Variants in PTPRT observed in about 807,000 individuals in gnomAD.
PTPRT encodes the protein receptor-type tyrosine-protein phosphatase T.
PTPRT carries 56 observed loss-of-function variants against 176.8 expected under a neutral mutation model. The ratio of observed to expected loss-of-function variants is 0.32; its 90% CI spans 0.26 to 0.40. PTPRT has a LOEUF of 0.40. Among genes scored for constraint, PTPRT ranks in the 10% least tolerant of loss-of-function variants. The pLI is 1.00. For missense variants in PTPRT, 1,540 were observed against 1,908.2 expected (o/e 0.81, Z 3.60); for synonymous variants, 783 against 739.0 (o/e 1.06, Z -0.96).
At chr20:43,084,404 AG>A (rs11476795) in intron 1 of PTPRT, among the ~76,000 whole-genome samples, 91,525 of 151,962 alleles carry the variant, frequency 0.6, 27,942 homozygotes, top group East Asian at 0.75. Flanking sequence ...AAGGCAAAGG[AG>A]AAGCAAGAAC....
chr20:42,441,823 T>C (rs887692518), intron 9 of PTPRT, among the ~76,000 whole-genome samples: 2 of 152,332 alleles, frequency 1.3e-5, no homozygotes, highest in Admixed American at 1.3e-4. Context: ...CTTTTTTCCT[T>C]GTTACCAGCC....
intron 1 of PTPRT, among the ~76,000 whole-genome samples, chr20:43,096,158 C>T (rs2146316736): frequency 6.7e-6 from 1 of 150,218 alleles, no homozygotes; most frequent in East Asian, 2.0e-4. Context: ...GTTCCCCCTT[C>T]TTCTACTCTA....
chr20:42,652,584 C>G (rs1356864010), intron 7 of PTPRT, among the ~76,000 whole-genome samples: 1 of 152,160 alleles, frequency 6.6e-6, no homozygotes, highest in Non-Finnish European at 1.5e-5. Flanking sequence ...CCTAGAAACT[C>G]CAATCTGTGC....
intron 9 of PTPRT, among the ~76,000 whole-genome samples, chr20:42,356,899 C>A (rs984385689): frequency 3.9e-5 from 6 of 152,146 alleles, no homozygotes; most frequent in African/African-American, 1.4e-4. Flanking sequence ...GAACTTGCAC[C>A]AGCTCTTCTG....
At chr20:42,969,081 G>C (rs1279036316) in intron 1 of PTPRT, 1 of 152,206 alleles carries the variant, frequency 6.6e-6, no homozygotes, top group Non-Finnish European at 1.5e-5. Context: ...ATTTCCGCTA[G>C]ATAGAAGAAG....
intron 27 of PTPRT, among the ~76,000 whole-genome samples, chr20:42,093,546 A>C (rs1268498984): frequency 6.6e-6 from 1 of 152,158 alleles, no homozygotes; most frequent in East Asian, 1.9e-4. Context: ...AGTGCAAAAA[A>C]AATAAGGCCC....
chr20:42,814,790 T>C (rs1364044715), intron 2 of PTPRT, among the ~76,000 whole-genome samples: 1 of 152,200 alleles, frequency 6.6e-6, no homozygotes, highest in East Asian at 1.9e-4. Flanking sequence ...TATTCACTTC[T>C]CAGAAGGAAG....
At chr20:42,569,345 G>A (rs1471581609) in intron 7 of PTPRT, among the ~76,000 whole-genome samples, 1 of 151,826 alleles carries the variant, frequency 6.6e-6, no homozygotes, top group African/African-American at 2.4e-5. Flanking sequence ...GGACAGTCCT[G>A]CCTTATTCTT....
At chr20:42,333,924 G>A (rs1372243476) in intron 11 of PTPRT, among the ~76,000 whole-genome samples, 12 of 151,938 alleles carry the variant, frequency 7.9e-5, no homozygotes, top group South Asian at 2.1e-4. Flanking sequence ...CAAGTGACCC[G>A]CCCACCTTGG....
chr20:42,777,098 G>T (rs1351048781), intron 4 of PTPRT, among the ~76,000 whole-genome samples: 2 of 152,046 alleles, frequency 1.3e-5, no homozygotes, highest in Non-Finnish European at 2.9e-5. Flanking sequence ...CATGGCTCCA[G>T]AACTTTCTTC....
At chr20:42,817,368 T>A (rs796073229) in intron 2 of PTPRT, among the ~76,000 whole-genome samples, 8 of 145,588 alleles carry the variant, frequency 5.5e-5, no homozygotes, top group African/African-American at 2.2e-4. Flanking sequence ...GTTTGGTTTT[T>A]TTTTTTTTTT....
At chr20:43,000,582 A>G (rs1384869947) in intron 1 of PTPRT, among the ~76,000 whole-genome samples, 1 of 152,226 alleles carries the variant, frequency 6.6e-6, no homozygotes, top group African/African-American at 2.4e-5. Context: ...TCATAAGTTC[A>G]CTGCAGAATG....
intron 7 of PTPRT, among the ~76,000 whole-genome samples, chr20:42,666,388 T>C (rs1224357689): frequency 6.6e-6 from 1 of 152,212 alleles, no homozygotes; most frequent in African/African-American, 2.4e-5. Flanking sequence ...AATTTTAAAG[T>C]CAGTTTTGCT....
intron 7 of PTPRT, among the ~76,000 whole-genome samples, chr20:42,559,800 T>C (rs1301812589): frequency 6.6e-6 from 1 of 152,252 alleles, no homozygotes; most frequent in Non-Finnish European, 1.5e-5. Context: ...GTCATTGCTT[T>C]GCACAGCAAT....
intron 1 of PTPRT, among the ~76,000 whole-genome samples, chr20:43,068,687 T>A (rs1266881318): frequency 6.6e-6 from 1 of 151,870 alleles, no homozygotes; most frequent in African/African-American, 2.4e-5. Flanking sequence ...GGAGGCAGTA[T>A]TGCCATGAGA....
intron 12 of PTPRT, among the ~76,000 whole-genome samples, chr20:42,307,542 A>G (rs2057561582): frequency 6.6e-6 from 1 of 152,208 alleles, no homozygotes. Context: ...TAGAGCTTAT[A>G]TCTACAGCTT....
intron 7 of PTPRT, among the ~76,000 whole-genome samples, chr20:42,642,397 C>T (rs1395055968): frequency 2.6e-5 from 4 of 152,150 alleles, no homozygotes; most frequent in Non-Finnish European, 5.9e-5. Context: ...CTCCCTGAGT[C>T]TCAGTGACTT....
intron 6 of PTPRT, among the ~76,000 whole-genome samples, chr20:42,729,621 C>G (rs185882556): frequency 1.8e-4 from 28 of 152,284 alleles, no homozygotes; most frequent in Non-Finnish European, 3.7e-4. Flanking sequence ...AACGAGAAAG[C>G]TGGGAAGACA....
chr20:42,636,468 T>A (rs534574338), intron 7 of PTPRT, among the ~76,000 whole-genome samples: 268 of 152,192 alleles, frequency 1.8e-3, no homozygotes, highest in African/African-American at 6.0e-3. Flanking sequence ...CCAATGGCTT[T>A]AAGAATGCCA....
Sources: gnomAD v4.1 joint callset for allele counts (sites outside exome capture counted in the v4.1 genomes callset) on GRCh38, gnomAD v4.1.1 for gene constraint, MANE v1.5 for transcripts, NCBI Gene and HGNC (gene_info 2026-07-23, HGNC 2026-07-21) for gene names.